The following JPH1 variants were observed in gnomAD, a reference collection of about 807,000 sequenced individuals.
JPH1 encodes the protein junctophilin-1.
JPH1 carries 12 observed loss-of-function variants against 53.6 expected under a neutral mutation model. The ratio of observed to expected loss-of-function variants is 0.22; its 90% CI spans 0.14 to 0.36. The LOEUF is 0.36. JPH1 is among the 10% of genes least tolerant of loss of function. The pLI, the probability that JPH1 is intolerant of heterozygous loss-of-function variation, is 1.00. For missense variants in JPH1, 808 were observed against 905.5 expected (o/e 0.89, Z 1.38); for synonymous variants, 375 against 363.8 (o/e 1.03, Z -0.35).
intron 2 of JPH1, among the ~76,000 whole-genome samples, chr8:74,290,538 GA>G (rs1807293449): frequency 6.6e-6 from 1 of 152,198 alleles, no homozygotes; most frequent in Admixed American, 6.5e-5. Context: ...TCAATGTTGT[GA>G]AAATGGCTAT....
chr8:74,236,492 G>T lies in JPH1; in HGVS notation c.*559C>A, dbSNP rs1001544221. On this transcript the variant is annotated 3_prime_UTR_variant, in exon 6 of 6. Coordinates refer to ENST00000342232, the MANE Select transcript of JPH1 (RefSeq NM_020647.4). ...AAGCAGCAGGTCATGGCATAAGACT[G>T]GTGAGTGATGCTGCTACCTATTTCT... 3 of 152,638 alleles carry T rather than the reference G, an allele frequency of 2.0e-5. No homozygotes were observed. The highest frequency in any genetic ancestry group is 6.5e-5 in the Admixed American group (1 of 15,286). The allele number at this position is 152,638 out of a possible 1,614,324, so 9.5% of individuals were successfully genotyped here.
At chr8:74,278,980 C>T (rs1806930153) in intron 2 of JPH1, among the ~76,000 whole-genome samples, 1 of 130,878 alleles carries the variant, frequency 7.6e-6, no homozygotes, top group South Asian at 2.7e-4. Context: ...AACACACACG[C>T]ACACGCGCGC....
At chr8:74,293,793 A>C (rs1807411218) in intron 2 of JPH1, among the ~76,000 whole-genome samples, 1 of 152,172 alleles carries the variant, frequency 6.6e-6, no homozygotes, top group Non-Finnish European at 1.5e-5. Flanking sequence ...ACTTTATCAG[A>C]GCTGAAACTA....
intron 2 of JPH1, among the ~76,000 whole-genome samples, chr8:74,312,950 A>C (rs537118849): frequency 1.1e-4 from 16 of 152,354 alleles, no homozygotes; most frequent in South Asian, 1.0e-3. Context: ...AAATGAAATA[A>C]TACTACCCCC....
chr8:74,291,993 A>G lies in JPH1; in HGVS notation c.1139+22868T>C, dbSNP rs552134487. ...TTGAACAATGAGAACACTTGTACAC[A>G]GAGTGGGGAACATCACACCCCAGGG... On this transcript the variant is annotated intron_variant, in intron 2 of 5. Transcript: ENST00000342232. 3.3e-5 allele frequency among the ~76,000 whole-genome samples: 5 copies of G among 152,246 alleles called. No individual in the cohort carries two copies. In the East Asian group the frequency reaches 9.7e-4, roughly 29 times the overall value.
intron 2 of JPH1, among the ~76,000 whole-genome samples, chr8:74,279,347 G>T (rs11989917): frequency 0.019 from 2,906 of 152,316 alleles, 100 homozygotes; most frequent in African/African-American, 0.063. Context: ...GAGGTAAATT[G>T]GGAAGTGGAG....
chr8:74,317,575 GA>G (rs1276918973), intron 1 of JPH1, among the ~76,000 whole-genome samples: 2 of 152,146 alleles, frequency 1.3e-5, no homozygotes, highest in Admixed American at 1.3e-4. Context: ...ATTCTAGGAT[GA>G]AAGTTTCACA....
intron 1 of JPH1, among the ~76,000 whole-genome samples, chr8:74,318,816 T>C (rs1049032035): frequency 2.6e-5 from 4 of 152,192 alleles, no homozygotes; most frequent in Non-Finnish European, 5.9e-5. Flanking sequence ...ATTCCTATTT[T>C]GGCCAAAACC....
At chr8:74,251,254 T>C (rs554516454) in intron 3 of JPH1, among the ~76,000 whole-genome samples, 55 of 152,324 alleles carry the variant, frequency 3.6e-4, no homozygotes, top group Non-Finnish European at 6.9e-4. Context: ...CTGTGACTCT[T>C]TTTTCTATAC....
At chr8:74,244,058 G>A (rs1045341224) in intron 4 of JPH1, among the ~76,000 whole-genome samples, 1 of 152,176 alleles carries the variant, frequency 6.6e-6, no homozygotes, top group Admixed American at 6.5e-5. Flanking sequence ...AATTCACAAC[G>A]GCTAGAGGAG....
intron 2 of JPH1, among the ~76,000 whole-genome samples, chr8:74,303,752 G>A (rs1345817983): frequency 1.4e-4 from 22 of 151,930 alleles, no homozygotes; most frequent in Non-Finnish European, 1.6e-4. Context: ...CCCAGCCTGT[G>A]ACTATTTAAT....
Position 74,235,782 on chromosome 8 carries a change from C to G in JPH1, c.*1269G>C, listed in dbSNP as rs575964051. The G allele has an allele frequency of 1.3e-5, 2 of 152,432 alleles. No individual in the cohort carries two copies. Among genetic ancestry groups the G allele is most frequent in the South Asian group, 4.2e-4 (2 of 4,812 alleles). 9.4% of individuals were successfully genotyped at this position (152,432 alleles called of 1,614,324 possible). ...ATATTTAAAATAAAAATGTCTAAGC[C>G]TTTAAAATGTGAAATGAAATTACAA... On this transcript the variant is annotated 3_prime_UTR_variant, in exon 6 of 6. Transcript: ENST00000342232.
intron 2 of JPH1, among the ~76,000 whole-genome samples, chr8:74,310,461 C>T (rs945489789): frequency 6.6e-6 from 1 of 152,080 alleles, no homozygotes. Context: ...ATAAGTATCC[C>T]TTATGGTCTT....
At chr8:74,239,060 C>T (rs1461118031) in intron 4 of JPH1, among the ~76,000 whole-genome samples, 2 of 151,976 alleles carry the variant, frequency 1.3e-5, no homozygotes, top group African/African-American at 2.4e-5. Context: ...AAACATGAGT[C>T]CCCTTTAAGT....
intron 2 of JPH1, among the ~76,000 whole-genome samples, chr8:74,291,744 C>G (rs1318310627): frequency 6.6e-6 from 1 of 152,106 alleles, no homozygotes; most frequent in African/African-American, 2.4e-5. Flanking sequence ...CACTGTGGCA[C>G]TATTTACAAT....
intron 2 of JPH1, among the ~76,000 whole-genome samples, chr8:74,309,795 T>C (rs1807937384): frequency 6.6e-6 from 1 of 152,230 alleles, no homozygotes; most frequent in Non-Finnish European, 1.5e-5. Flanking sequence ...AATGGTGGGA[T>C]GATCTTGGGC....
Position 74,321,391 on chromosome 8 carries a change from G to A in JPH1, c.-104C>T, listed in dbSNP as rs1808322370. 4.2e-6 allele frequency: 5 copies of A among 1,190,922 alleles called. No homozygotes were observed. In the South Asian group the frequency reaches 8.7e-5, roughly 21 times the overall value. The allele number at this position is 1,190,922 out of a possible 1,614,324, so 73.8% of individuals were successfully genotyped here. On this transcript the variant is annotated 5_prime_UTR_variant, in exon 1 of 6. Coordinates refer to ENST00000342232, the MANE Select transcript of JPH1 (RefSeq NM_020647.4). The surrounding 1 kb of genome is among the most constrained non-coding windows in gnomAD (Gnocchi z 4.3). ...GTGGGGGCCCGGCGGGCGAGCTCAC[G>A]ACAGCGCCCTGGGCAGCTCGCGCTG...
intron 2 of JPH1, among the ~76,000 whole-genome samples, chr8:74,305,941 C>T (rs988339976): frequency 6.6e-6 from 1 of 152,122 alleles, no homozygotes; most frequent in African/African-American, 2.4e-5. Context: ...AACACATGTC[C>T]ATCTCAATGC....
chr8:74,272,474 T>G (rs1430265817), intron 2 of JPH1, among the ~76,000 whole-genome samples: 1 of 152,108 alleles, frequency 6.6e-6, no homozygotes, highest in Admixed American at 6.6e-5. Context: ...ATTATAAATA[T>G]GAAGTTTCTC....
Sources: allele counts gnomAD v4.1 joint callset (sites outside exome capture counted in the v4.1 genomes callset), GRCh38; gene constraint gnomAD v4.1.1; non-coding constraint Gnocchi (gnomAD v3.1); transcripts MANE v1.5; gene names NCBI Gene and HGNC (gene_info 2026-07-23, HGNC 2026-07-21).